Variants in SGTB observed in about 807,000 individuals in gnomAD.
The protein encoded by SGTB is small glutamine rich tetratricopeptide repeat co-chaperone beta.
In SGTB, 19 loss-of-function variants were observed where a neutral mutation model predicts 43.9. That is an observed-to-expected ratio of 0.43 (90% CI 0.30 to 0.63). SGTB has a LOEUF of 0.63. SGTB is among the 30% of genes least tolerant of loss of function. The probability of loss-of-function intolerance (pLI) is 0.12; values close to 1 mark genes in which losing one functional copy is unlikely to be tolerated. For missense variants in SGTB, 304 were observed against 358.9 expected (o/e 0.85, Z 1.24); for synonymous variants, 116 against 117.3 (o/e 0.99, Z 0.07).
At chr5:65,672,069 A>G (rs1373493044) in intron 9 of SGTB, 71 bp from the exon 10 acceptor site, 2 of 1,589,400 alleles carry the variant, frequency 1.3e-6, no homozygotes, top group Admixed American at 1.7e-5. Flanking sequence ...TGGACGAGGA[A>G]AAGTTAATAA....
In SGTB at chr5:65,670,226, G is replaced by T; in HGVS notation, c.*20C>A. 3 of 1,607,564 alleles carry T rather than the reference G, an allele frequency of 1.9e-6. No individual in the cohort carries two copies. In the South Asian group the frequency reaches 3.3e-5, roughly 18 times the overall value. The stretch of plus-strand genomic sequence containing the variant: ...ATAGCCATAAACCATTTGTATCTTG[G>T]GCTTGAGCCCCTGGTTAAATCAGGA... On this transcript the variant is annotated 3_prime_UTR_variant, in exon 11 of 11. Transcript: ENST00000381007.
intron 2 of SGTB, among the ~76,000 whole-genome samples, chr5:65,714,511 A>G (rs1378765655): frequency 6.6e-6 from 1 of 152,090 alleles, no homozygotes; most frequent in East Asian, 1.9e-4. Context: ...GTGAGGGATT[A>G]TGTTTGAAGT....
chr5:65,719,503 G>A (rs1429822113), intron 2 of SGTB, among the ~76,000 whole-genome samples: 1 of 152,158 alleles, frequency 6.6e-6, no homozygotes, highest in East Asian at 1.9e-4. Flanking sequence ...CGAGGTGGGA[G>A]GATCAATTGA....
At chr5:65,684,247 G>T (rs1222513374) in intron 6 of SGTB, among the ~76,000 whole-genome samples, 2 of 151,836 alleles carry the variant, frequency 1.3e-5, no homozygotes, top group East Asian at 2.0e-4. Flanking sequence ...ACCACTCCTG[G>T]ATAATTTTTG....
intron 2 of SGTB, among the ~76,000 whole-genome samples, chr5:65,714,299 G>C (rs1386393978): frequency 2.0e-5 from 3 of 151,998 alleles, no homozygotes; most frequent in African/African-American, 7.3e-5. Flanking sequence ...ACTGGTCTAA[G>C]GTGGTAGAGA....
chr5:65,671,968 C>T lies in SGTB; in HGVS notation c.750G>A (p.Gly250=). 6.2e-7 allele frequency: 1 copy of T among 1,614,006 alleles called. No individual in the cohort carries two copies. ...GGCCCCCAACTCCAGCAGCAGGTCC[C>T]CCAATGGCATTTGTCATCATTCCTG... is the stretch of plus-strand genomic sequence containing the variant. ...LMSGMMTNAI[G]GPAAGVGGLT... The change falls in exon 10 of 11, where the codon GGG becomes GGA. Residue 250 remains glycine, a synonymous_variant. Coordinates refer to ENST00000381007, the MANE Select transcript of SGTB (RefSeq NM_019072.3).
intron 4 of SGTB, 24 bp downstream of exon 4, chr5:65,708,465 G>C: frequency 1.2e-6 from 2 of 1,601,358 alleles, no homozygotes; most frequent in Non-Finnish European, 1.7e-6. Context: ...TACTAAGTAA[G>C]TCATTTTTGT....
chr5:65,682,315 G>A (rs1438309989), intron 6 of SGTB, among the ~76,000 whole-genome samples: 1 of 152,196 alleles, frequency 6.6e-6, no homozygotes, highest in Admixed American at 6.5e-5. Context: ...AGATGATAGA[G>A]GACCATTGCT....
intron 5 of SGTB, among the ~76,000 whole-genome samples, chr5:65,688,999 C>T (rs955915503): frequency 5.9e-5 from 9 of 151,894 alleles, no homozygotes; most frequent in Admixed American, 2.6e-4. Context: ...TTAGTAGAGA[C>T]GGGGGTTTCA....
intron 2 of SGTB, among the ~76,000 whole-genome samples, chr5:65,717,473 G>C (rs1172993402): frequency 6.6e-6 from 1 of 151,486 alleles, no homozygotes; most frequent in Non-Finnish European, 1.5e-5. Flanking sequence ...ATGGGATCTA[G>C]TATACCAGTA....
rs951542235 is a variant in SGTB, at chr5:65,722,100, G to C, written c.-206C>G. The C allele has an allele frequency of 2.0e-4, 34 of 172,958 alleles. No homozygotes were observed. The highest frequency in any genetic ancestry group is 6.0e-4 in the African/African-American group (25 of 42,016). The allele number at this position is 172,958 out of a possible 1,614,324, so 10.7% of individuals were successfully genotyped here. A position where few individuals can be genotyped will look rare whatever the true frequency, so the allele number is the denominator to read the frequency against. ...CACCAGGCTGTGCTCTCTCTCAGGC[G>C]GCAGGGTCTGGCCAGCACCGCCCCT... On this transcript the variant is annotated 5_prime_UTR_variant, in exon 1 of 11. Coordinates refer to ENST00000381007, the MANE Select transcript of SGTB (RefSeq NM_019072.3).
At chr5:65,699,327 T>C (rs1371586195) in intron 5 of SGTB, among the ~76,000 whole-genome samples, 1 of 152,208 alleles carries the variant, frequency 6.6e-6, no homozygotes, top group Non-Finnish European at 1.5e-5. Flanking sequence ...AAGTAGGAGC[T>C]AAGCTATTGG....
At chr5:65,712,936 T>A in intron 3 of SGTB, 25 bp downstream of exon 3, 1 of 1,564,090 alleles carries the variant, frequency 6.4e-7, no homozygotes, top group Non-Finnish European at 8.8e-7. Flanking sequence ...TATCAGTTAA[T>A]AATGAGAAAA....
At chr5:65,700,594 T>A (rs1757794181) in intron 5 of SGTB, among the ~76,000 whole-genome samples, 1 of 145,092 alleles carries the variant, frequency 6.9e-6, no homozygotes, top group Non-Finnish European at 1.5e-5. Context: ...GGCAGGAGAA[T>A]GGCGTGAACC....
At chr5:65,677,603 C>A (rs1290385613) in intron 8 of SGTB, among the ~76,000 whole-genome samples, 1 of 152,120 alleles carries the variant, frequency 6.6e-6, no homozygotes, top group Admixed American at 6.5e-5. Context: ...AAAATACTGG[C>A]AAACTGAATC....
chr5:65,718,373 T>A (rs944665545), intron 2 of SGTB, among the ~76,000 whole-genome samples: 1 of 152,202 alleles, frequency 6.6e-6, no homozygotes, highest in African/African-American at 2.4e-5. Flanking sequence ...ATCTAGAATA[T>A]GATCAAGTGT....
upstream of SGTB, chr5:65,722,558 A>C: frequency 4.1e-6 from 3 of 736,038 alleles, no homozygotes; most frequent in Non-Finnish European, 6.4e-6. Context: ...TGCAAGGTGG[A>C]CCCCTGGGGG....
intron 5 of SGTB, among the ~76,000 whole-genome samples, chr5:65,698,085 G>A (rs983404803): frequency 1.3e-5 from 2 of 152,104 alleles, no homozygotes; most frequent in African/African-American, 4.8e-5. Context: ...GGAACTTCCT[G>A]GACATCTGAT....
At chr5:65,677,956 C>G (rs1472704956) in intron 8 of SGTB, among the ~76,000 whole-genome samples, 6 of 152,192 alleles carry the variant, frequency 3.9e-5, no homozygotes, top group Non-Finnish European at 1.5e-5. Flanking sequence ...TCTCTCATCA[C>G]TCCTATTCAA....
Sources: gnomAD v4.1 joint callset for allele counts (sites outside exome capture counted in the v4.1 genomes callset) on GRCh38, gnomAD v4.1.1 for gene constraint, MANE v1.5 for transcripts, NCBI Gene and HGNC (gene_info 2026-07-23, HGNC 2026-07-21) for gene names.